The following RNASE10 variants were observed in gnomAD, a reference collection of about 807,000 sequenced individuals.
RNASE10 encodes ribonuclease A family member 10 (inactive), also known as inactive ribonuclease-like protein 10.
In RNASE10, 2 loss-of-function variants were observed where a neutral mutation model predicts 1.1. That is an observed-to-expected ratio of 1.82 (90% CI 0.74 to 5.73). RNASE10 has a LOEUF of 5.73. RNASE10 is among the 30% of genes most tolerant of loss of function. RNASE10 has a pLI of 0.05. For missense variants in RNASE10, 276 were observed against 263.4 expected, an observed-to-expected ratio of 1.05 and a Z score of -0.33; for synonymous variants, 97 against 96.2, an observed-to-expected ratio of 1.01 and a Z score of -0.05.
upstream of RNASE10, among the ~76,000 whole-genome samples, chr14:20,504,905 C>T (rs894418388): frequency 1.3e-5 from 2 of 151,998 alleles, no homozygotes; most frequent in African/African-American, 2.4e-5. Context: ...GAGAGGAGCT[C>T]ACAGGCCAGC....
intron 1 of RNASE10, among the ~76,000 whole-genome samples, chr14:20,510,144 T>C (rs1183387824): frequency 4.0e-5 from 6 of 148,868 alleles, no homozygotes; most frequent in African/African-American, 1.5e-4. Context: ...AAAAAAAGAA[T>C]CAATTGATGT....
intron 1 of RNASE10, among the ~76,000 whole-genome samples, chr14:20,509,577 A>G (rs1028615957): frequency 1.3e-5 from 2 of 152,244 alleles, no homozygotes; most frequent in Non-Finnish European, 2.9e-5. Context: ...GCTTAGGAGT[A>G]AGAATGGACT....
At chr14:20,511,203 G>A, downstream of RNASE10, 2 of 1,126,420 alleles carry the variant, frequency 1.8e-6, no homozygotes, top group Middle Eastern at 2.2e-4. Context: ...TAGTTCTCCT[G>A]ATCTTAGGTA....
At chr14:20,506,611 G>GT in intron 1 of RNASE10, among the ~76,000 whole-genome samples, 1 of 106,542 alleles carries the variant, frequency 9.4e-6, no homozygotes, top group Admixed American at 8.5e-5. Flanking sequence ...AGTCCGGGAG[G>GT]GAGGTGGGGG....
At chr14:20,507,056 G>A (rs1446059941) in intron 1 of RNASE10, among the ~76,000 whole-genome samples, 1 of 150,842 alleles carries the variant, frequency 6.6e-6, no homozygotes, top group African/African-American at 2.5e-5. Flanking sequence ...CTGCCCGGCC[G>A]CCCCTACTGG....
intron 1 of RNASE10, among the ~76,000 whole-genome samples, chr14:20,506,693 C>T (rs1006633140): frequency 8.1e-6 from 1 of 123,586 alleles, no homozygotes; most frequent in East Asian, 2.5e-4. Flanking sequence ...CCCGGCCAGC[C>T]GCCCCGTCCG....
At chr14:20,505,334 T>G (rs1307325561), upstream of RNASE10, among the ~76,000 whole-genome samples, 11 of 45,024 alleles carry the variant, frequency 2.4e-4, no homozygotes, top group East Asian at 1.2e-3. Flanking sequence ...CCCTCCACGG[T>G]CTCCTTCCAC....
upstream of RNASE10, among the ~76,000 whole-genome samples, chr14:20,505,098 G>A (rs923428423): frequency 1.3e-5 from 2 of 151,844 alleles, no homozygotes; most frequent in Non-Finnish European, 2.9e-5. Flanking sequence ...ACAAGTTATG[G>A]TGCTGGAGGT....
At chr14:20,513,415 C>A (rs1345443472), downstream of RNASE10, among the ~76,000 whole-genome samples, 3 of 152,168 alleles carry the variant, frequency 2.0e-5, no homozygotes, top group Admixed American at 6.5e-5. Flanking sequence ...AATTCTGCCT[C>A]ATTCACAAGA....
At chr14:20,504,682 C>T (rs536677236), upstream of RNASE10, among the ~76,000 whole-genome samples, 58 of 40,498 alleles carry the variant, frequency 1.4e-3, no homozygotes, top group African/African-American at 0.01. Flanking sequence ...AGAGAGACTC[C>T]GTCTCAAAAA....
intron 1 of RNASE10, among the ~76,000 whole-genome samples, chr14:20,507,664 A>T (rs1882787215): frequency 6.6e-6 from 1 of 151,962 alleles, no homozygotes; most frequent in South Asian, 2.1e-4. Flanking sequence ...AACAAATGTG[A>T]TAATAATTCA....
chr14:20,511,980 T>C (rs1367601443), downstream of RNASE10, among the ~76,000 whole-genome samples: 2 of 152,010 alleles, frequency 1.3e-5, no homozygotes, highest in African/African-American at 4.8e-5. Context: ...TGCAAGCAGA[T>C]GTTCGTCCTA....
downstream of RNASE10, among the ~76,000 whole-genome samples, chr14:20,512,315 G>T (rs894570995): frequency 6.6e-6 from 1 of 152,210 alleles, no homozygotes; most frequent in Non-Finnish European, 1.5e-5. Flanking sequence ...GCAAGTGGCT[G>T]CCCTCAGCCT....
downstream of RNASE10, among the ~76,000 whole-genome samples, chr14:20,512,003 G>A (rs1343899948): frequency 6.6e-6 from 1 of 151,998 alleles, no homozygotes; most frequent in Non-Finnish European, 1.5e-5. Flanking sequence ...GTCAGAGTCT[G>A]GCACAGGGAG....
chr14:20,505,274 CT>C (rs1882666710), upstream of RNASE10, among the ~76,000 whole-genome samples: 2 of 9,560 alleles, frequency 2.1e-4, no homozygotes, highest in Non-Finnish European at 4.1e-4. Flanking sequence ...CCCTCTCCCT[CT>C]CCCTCTCCCT....
At chr14:20,506,670 G>A in intron 1 of RNASE10, among the ~76,000 whole-genome samples, 1 of 117,614 alleles carries the variant, frequency 8.5e-6, no homozygotes, top group Non-Finnish European at 1.8e-5. Flanking sequence ...GGAGGTGGGG[G>A]GTCAGCCCCC....
rs571271238 is a variant in RNASE10 at position 20,507,476 on chromosome 14, C to G, written c.79+1457C>G. 3.0e-4 allele frequency among the ~76,000 whole-genome samples: 41 copies of G among 136,432 alleles called. No homozygotes were observed. In the South Asian group the frequency reaches 9.3e-3, roughly 31 times the overall value. The allele number at this position is 136,432 out of a possible 152,430, so 89.5% of individuals were successfully genotyped here. On this transcript the variant is annotated intron_variant, in intron 1 of 1. Transcript: ENST00000430083. ...TAAGTACCCAGGGACACAAACACTG[C>G]GGAAGGCTGCAGGGTCCTCTGCCTA...
At chr14:20,505,203 G>C (rs1404962177), upstream of RNASE10, among the ~76,000 whole-genome samples, 1 of 145,360 alleles carries the variant, frequency 6.9e-6, no homozygotes, top group African/African-American at 2.5e-5. Flanking sequence ...AACAGTGTCT[G>C]TGTTTAGAAA....
intron 1 of RNASE10, among the ~76,000 whole-genome samples, chr14:20,507,646 A>G (rs1244902436): frequency 6.6e-6 from 1 of 151,924 alleles, no homozygotes; most frequent in Non-Finnish European, 1.5e-5. Flanking sequence ...AAAATTTTCA[A>G]CTTTACAAAC....
Sources: gnomAD v4.1 joint callset for allele counts (sites outside exome capture counted in the v4.1 genomes callset) on GRCh38, gnomAD v4.1.1 for gene constraint, MANE v1.5 for transcripts, NCBI Gene and HGNC (gene_info 2026-07-23, HGNC 2026-07-21) for gene names.